CLSTN2: variants seen among roughly 807,000 people sequenced by gnomAD.
CLSTN2 encodes the protein calsyntenin-2.
In CLSTN2, 48 loss-of-function variants were observed where a neutral mutation model predicts 101.2. The observed-to-expected ratio is 0.47, with a 90% CI of 0.38 to 0.60. The LOEUF (loss-of-function observed/expected upper bound fraction) is 0.60. Among genes scored for constraint, CLSTN2 ranks in the 20% least tolerant of loss-of-function variants. CLSTN2 has a pLI of 0.00. For synonymous variants in CLSTN2, 481 were observed against 463.6 expected (o/e 1.04, Z -0.48); for missense variants, 1,160 against 1,238.2 (o/e 0.94, Z 0.95).
chr3:140,451,109 C>T (rs376828311), intron 6 of CLSTN2, among the ~76,000 whole-genome samples: 4 of 152,286 alleles, frequency 2.6e-5, no homozygotes, highest in South Asian at 2.1e-4. Context: ...TATAAGTCAA[C>T]GGAACCCCAG....
intron 1 of CLSTN2, among the ~76,000 whole-genome samples, chr3:139,958,996 T>G (rs9860322): frequency 0.067 from 10,221 of 151,790 alleles, 404 homozygotes; most frequent in Non-Finnish European, 0.089. Context: ...GCCAACTTGC[T>G]TATGGTGAGG....
intron 2 of CLSTN2, among the ~76,000 whole-genome samples, chr3:140,253,485 C>T (rs1410311886): frequency 2.0e-5 from 3 of 152,168 alleles, no homozygotes; most frequent in Non-Finnish European, 4.4e-5. Context: ...TGTATAATTG[C>T]TCTTTTATAA....
At chr3:140,091,921 T>A (rs1397225040) in intron 1 of CLSTN2, among the ~76,000 whole-genome samples, 1 of 152,212 alleles carries the variant, frequency 6.6e-6, no homozygotes, top group Non-Finnish European at 1.5e-5. Context: ...CCCCAGTCAA[T>A]GCCCAGTACA....
intron 1 of CLSTN2, among the ~76,000 whole-genome samples, chr3:140,159,057 A>G (rs2010004382): frequency 6.6e-6 from 1 of 152,146 alleles, no homozygotes; most frequent in South Asian, 2.1e-4. Flanking sequence ...TTAAATGTGA[A>G]GCCTCAAACT....
At position 140,567,353 on chromosome 3, in the gene CLSTN2, C is replaced by G. The variant is rs933060165; in HGVS notation, c.*1100C>G. The G allele has an allele frequency of 6.6e-6, 1 of 152,118 alleles. No individual in the cohort carries two copies. The highest frequency in any genetic ancestry group is 1.5e-5 in the Non-Finnish European group (1 of 68,028). 9.4% of individuals were successfully genotyped at this position (152,118 alleles called of 1,614,324 possible). ...TGTATTAGAAACGCACGAGCTCCAC[C>G]AAGTCTACAATGAAAGTTTGAAATT... is the stretch of plus-strand genomic sequence containing the variant. On this transcript the variant is annotated 3_prime_UTR_variant, in exon 17 of 17. Transcript: ENST00000458420.
chr3:140,404,891 G>A lies in CLSTN2; in HGVS notation c.637+125G>A. The A allele has an allele frequency of 9.9e-6, 8 of 806,940 alleles. No homozygotes were observed. In the South Asian group the frequency reaches 1.1e-4, roughly 12 times the overall value. 50.0% of individuals were successfully genotyped at this position (806,940 alleles called of 1,614,324 possible). On this transcript the variant is annotated intron_variant, in intron 4 of 16. Coordinates refer to ENST00000458420, the MANE Select transcript of CLSTN2 (RefSeq NM_022131.3). Reference sequence around the variant, plus strand: ...GCCTTTCTTGCCATGTTTGGTCTAAGCTCCATAACCCAGAGCTCAGTCCCA... The same window carrying A: ...GCCTTTCTTGCCATGTTTGGTCTAAACTCCATAACCCAGAGCTCAGTCCCA...
At chr3:140,510,479 A>C (rs1576605254) in intron 8 of CLSTN2, among the ~76,000 whole-genome samples, 1 of 152,250 alleles carries the variant, frequency 6.6e-6, no homozygotes, top group Non-Finnish European at 1.5e-5. Flanking sequence ...GGTGCAAAGC[A>C]AGTCTTGATT....
At chr3:139,956,605 T>C (rs1159734232) in intron 1 of CLSTN2, among the ~76,000 whole-genome samples, 2 of 152,200 alleles carry the variant, frequency 1.3e-5, no homozygotes, top group Non-Finnish European at 2.9e-5. Flanking sequence ...CTCTCTTTTT[T>C]CCTGTTTTCA....
At chr3:140,334,893 A>G (rs1006878) in intron 2 of CLSTN2, among the ~76,000 whole-genome samples, 56,209 of 151,954 alleles carry the variant, frequency 0.37, 12,129 homozygotes, top group Non-Finnish European at 0.5. Context: ...CCTTATATTT[A>G]CCCCCAGAAC....
intron 2 of CLSTN2, among the ~76,000 whole-genome samples, chr3:140,332,136 C>A (rs1274825951): frequency 2.0e-5 from 3 of 152,164 alleles, no homozygotes; most frequent in Non-Finnish European, 4.4e-5. Context: ...GGGCCAGTGT[C>A]AACCTTGTGG....
At chr3:140,540,507 A>C (rs1333043854) in intron 9 of CLSTN2, among the ~76,000 whole-genome samples, 1 of 152,232 alleles carries the variant, frequency 6.6e-6, no homozygotes, top group Non-Finnish European at 1.5e-5. Context: ...GAAATGAGAG[A>C]AAGCGAGATT....
At chr3:140,113,279 A>G (rs2009184789) in intron 1 of CLSTN2, among the ~76,000 whole-genome samples, 1 of 152,182 alleles carries the variant, frequency 6.6e-6, no homozygotes, top group African/African-American at 2.4e-5. Context: ...GCAGCAACCC[A>G]GGCTGTGCTC....
At chr3:140,396,435 C>T (rs2088183878) in intron 2 of CLSTN2, among the ~76,000 whole-genome samples, 1 of 152,136 alleles carries the variant, frequency 6.6e-6, no homozygotes, top group Non-Finnish European at 1.5e-5. Context: ...GGGAGTTTGC[C>T]TGAGGTGTGT....
In CLSTN2 at chr3:140,369,252, A is replaced by G. The variant is rs551344724; in HGVS notation, c.233-34377A>G. Among the ~76,000 whole-genome samples, 4 of 152,380 alleles carry G rather than the reference A, an allele frequency of 2.6e-5. No homozygotes were observed. The East Asian group carries it at 7.7e-4, about 29-fold the overall frequency. On this transcript the variant is annotated intron_variant, in intron 2 of 16. Transcript: ENST00000458420. ...TCATCAATTGGATTCTAGACACTTC[A>G]ATTGTTATACCTTACAATTTAGTTG...
intron 1 of CLSTN2, among the ~76,000 whole-genome samples, chr3:139,990,163 A>G (rs1936092821): frequency 6.6e-6 from 1 of 152,164 alleles, no homozygotes; most frequent in Admixed American, 6.5e-5. Flanking sequence ...ATCCTTTTTT[A>G]TACCCTATAA....
chr3:140,524,235 T>A (rs1361280741), intron 8 of CLSTN2, among the ~76,000 whole-genome samples: 1 of 152,194 alleles, frequency 6.6e-6, no homozygotes, highest in Non-Finnish European at 1.5e-5. Flanking sequence ...ACACAGTGTG[T>A]TTGAAGTACC....
chr3:140,371,007 G>C (rs1363923337), intron 2 of CLSTN2, among the ~76,000 whole-genome samples: 1 of 152,128 alleles, frequency 6.6e-6, no homozygotes, highest in Non-Finnish European at 1.5e-5. Context: ...TGCAGAGTTT[G>C]AGCCTCATAA....
At chr3:140,311,790 G>A (rs747487387) in intron 2 of CLSTN2, among the ~76,000 whole-genome samples, 2 of 152,076 alleles carry the variant, frequency 1.3e-5, no homozygotes, top group African/African-American at 2.4e-5. Context: ...CAGTAAGTGT[G>A]GCCAGGATTT....
intron 10 of CLSTN2, among the ~76,000 whole-genome samples, chr3:140,554,769 C>T (rs1235612536): frequency 5.9e-5 from 9 of 152,142 alleles, no homozygotes. Context: ...TTAAAGATTA[C>T]AGTTTATCTA....
Sources: gnomAD v4.1 joint callset for allele counts (sites outside exome capture counted in the v4.1 genomes callset) on GRCh38, gnomAD v4.1.1 for gene constraint, MANE v1.5 for transcripts, NCBI Gene and HGNC (gene_info 2026-07-23, HGNC 2026-07-21) for gene names.